The following ASTN2 variants were observed in gnomAD, a reference collection of about 807,000 sequenced individuals.
The protein encoded by ASTN2 is astrotactin-2.
ASTN2 carries 54 observed loss-of-function variants against 139.8 expected under a neutral mutation model. That is an observed-to-expected ratio of 0.39 (90% confidence interval 0.31 to 0.48). ASTN2 has a LOEUF of 0.48. Ranked by LOEUF, ASTN2 falls within the 20% of genes least tolerant of loss-of-function variation. The probability of loss-of-function intolerance (pLI) is 0.95; values close to 1 mark genes in which losing one functional copy is unlikely to be tolerated. For synonymous variants in ASTN2, 756 were observed against 719.5 expected (o/e 1.05, Z -0.81); for missense variants, 1,565 against 1,725.1 (o/e 0.91, Z 1.64).
At position 116,549,412 on chromosome 9, in the gene ASTN2, C is replaced by T. The variant is rs986148359; in HGVS notation, c.3356-61912G>A. On this transcript the variant is annotated intron_variant, in intron 19 of 22. Transcript: ENST00000313400. ...TGAGTCAGGGCAGCTCTGAGCCACACTTGGCTGTACAGTTCGTATTTGGCA... is the reference window on the plus strand; with the variant it reads ...TGAGTCAGGGCAGCTCTGAGCCACATTTGGCTGTACAGTTCGTATTTGGCA... Among the ~76,000 whole-genome samples, 3 of 152,202 alleles carry T rather than the reference C, an allele frequency of 2.0e-5. No individual in the cohort carries two copies. The South Asian group carries it at 6.2e-4, about 31-fold the overall frequency.
intron 17 of ASTN2, among the ~76,000 whole-genome samples, chr9:116,631,872 T>C (rs1371629051): frequency 6.6e-6 from 1 of 151,988 alleles, no homozygotes; most frequent in Non-Finnish European, 1.5e-5. Flanking sequence ...TCCCAACACT[T>C]TGGGATGCCG....
intron 19 of ASTN2, among the ~76,000 whole-genome samples, chr9:116,549,377 T>G (rs1254758708): frequency 1.3e-5 from 2 of 152,038 alleles, no homozygotes; most frequent in Admixed American, 6.5e-5. Flanking sequence ...GCAACTCGGA[T>G]AGTACCCTGT....
chr9:116,471,530 ACACGCGAAGAATGTTATTT>A (rs1384833634), intron 20 of ASTN2, among the ~76,000 whole-genome samples: 1 of 152,082 alleles, frequency 6.6e-6, no homozygotes, highest in Non-Finnish European at 1.5e-5. Context: ...TTTAGAACAA[ACACGCGAAGAATGTTATTT>A]CATTTCTGGC....
rs552627334 is a variant in ASTN2, at chr9:117,219,121, G to A, written c.631-4379C>T. ...GAACCATCTGGCTGCTTCTGTCATA[G>A]TGAGACATCTCACCCAAAGAATGCA... On this transcript the variant is annotated intron_variant, in intron 2 of 22. Coordinates refer to ENST00000313400, the MANE Select transcript of ASTN2 (RefSeq NM_001365068.1). 6.5e-4 allele frequency among the ~76,000 whole-genome samples: 99 copies of A among 152,312 alleles called. 1 individual carries two copies. The highest frequency in any genetic ancestry group is 2.3e-3 in the African/African-American group (96 of 41,564).
chr9:116,744,440 C>T (rs1048920312), intron 13 of ASTN2, among the ~76,000 whole-genome samples: 1 of 152,038 alleles, frequency 6.6e-6, no homozygotes, highest in Admixed American at 6.6e-5. Context: ...GACTGCCTGA[C>T]TACAGGGTAG....
intron 2 of ASTN2, among the ~76,000 whole-genome samples, chr9:117,262,288 C>T (rs1485376395): frequency 5.3e-5 from 8 of 152,058 alleles, no homozygotes; most frequent in Non-Finnish European, 1.0e-4. Context: ...CCATAAGATA[C>T]GGTACTCAAA....
At chr9:117,400,881 T>C (rs1830809912) in intron 1 of ASTN2, among the ~76,000 whole-genome samples, 1 of 152,148 alleles carries the variant, frequency 6.6e-6, no homozygotes, top group South Asian at 2.1e-4. Flanking sequence ...TTCCTAGTTC[T>C]AGTCCTCTCC....
intron 1 of ASTN2, among the ~76,000 whole-genome samples, chr9:117,315,247 G>A (rs1307913529): frequency 6.6e-6 from 1 of 152,010 alleles, no homozygotes; most frequent in East Asian, 1.9e-4. Context: ...CTATTTCAAG[G>A]AACAAGCACA....
chr9:116,831,975 T>G (rs1831827541), intron 11 of ASTN2, among the ~76,000 whole-genome samples: 1 of 152,182 alleles, frequency 6.6e-6, no homozygotes, highest in Admixed American at 6.5e-5. Flanking sequence ...AAGCTAAACG[T>G]GGCCCATGCA....
chr9:117,003,693 C>T lies in ASTN2; in HGVS notation c.1591+4399G>A, dbSNP rs1837261903. Among the ~76,000 whole-genome samples the T allele has an allele frequency of 2.0e-5, 3 of 151,846 alleles. No individual in the cohort carries two copies. In the South Asian group the frequency reaches 6.3e-4, roughly 32 times the overall value. ...AACAGCATTAGAAACCACAAACTTG[C>T]ACCTGAAAGCAGATCAGCTGGGGAG... On this transcript the variant is annotated intron_variant, in intron 7 of 22. Transcript: ENST00000313400.
At chr9:117,187,342 T>C (rs1029653896) in intron 3 of ASTN2, among the ~76,000 whole-genome samples, 3 of 152,020 alleles carry the variant, frequency 2.0e-5, no homozygotes, top group African/African-American at 7.3e-5. Flanking sequence ...AGAACAGAGA[T>C]GCAAAGGCCC....
intron 3 of ASTN2, among the ~76,000 whole-genome samples, chr9:117,161,582 C>T (rs962964908): frequency 1.7e-4 from 26 of 151,946 alleles, no homozygotes; most frequent in Non-Finnish European, 1.5e-4. Flanking sequence ...TAAATAGAGA[C>T]GGGGTTTTGC....
intron 17 of ASTN2, among the ~76,000 whole-genome samples, chr9:116,628,288 A>G (rs1200675208): frequency 6.6e-6 from 1 of 152,218 alleles, no homozygotes; most frequent in Non-Finnish European, 1.5e-5. Flanking sequence ...AAAGAGACAA[A>G]GATAAGAGAA....
At chr9:117,180,494 G>A (rs1004638850) in intron 3 of ASTN2, 22 of 596,610 alleles carry the variant, frequency 3.7e-5, no homozygotes, top group East Asian at 2.0e-4. Context: ...CACATCGTCA[G>A]CACATTTGAA....
intron 10 of ASTN2, among the ~76,000 whole-genome samples, chr9:116,886,385 T>C (rs1056131667): frequency 6.6e-6 from 1 of 152,218 alleles, no homozygotes; most frequent in Admixed American, 6.5e-5. Context: ...CTTTCTTTTC[T>C]TTTTCTTGAA....
chr9:116,811,521 G>A (rs1387533571), intron 12 of ASTN2, among the ~76,000 whole-genome samples: 1 of 152,134 alleles, frequency 6.6e-6, no homozygotes, highest in Non-Finnish European at 1.5e-5. Context: ...GTAAATTTTT[G>A]AGATTCTAAG....
chr9:117,076,689 G>A (rs1828289291), intron 5 of ASTN2, among the ~76,000 whole-genome samples: 1 of 152,096 alleles, frequency 6.6e-6, no homozygotes, highest in Non-Finnish European at 1.5e-5. Flanking sequence ...AGGGGCAGCG[G>A]GGGTGGAGGG....
intron 3 of ASTN2, among the ~76,000 whole-genome samples, chr9:117,203,259 C>T (rs1268709020): frequency 6.6e-6 from 1 of 151,980 alleles, no homozygotes; most frequent in African/African-American, 2.4e-5. Flanking sequence ...AGATTCTTAG[C>T]TTCTTTGCAT....
intron 16 of ASTN2, among the ~76,000 whole-genome samples, chr9:116,659,475 T>C (rs945882886): frequency 6.6e-6 from 1 of 152,224 alleles, no homozygotes; most frequent in African/African-American, 2.4e-5. Context: ...ATTTTATTAA[T>C]GTACACTTGA....
Sources: gnomAD v4.1 joint callset for allele counts (sites outside exome capture counted in the v4.1 genomes callset) on GRCh38, gnomAD v4.1.1 for gene constraint, MANE v1.5 for transcripts, NCBI Gene and HGNC (gene_info 2026-07-23, HGNC 2026-07-21) for gene names.